The following DAAM2 variants were observed in gnomAD, a reference collection of about 807,000 sequenced individuals.
DAAM2 encodes disheveled-associated activator of morphogenesis 2.
A neutral mutation model predicts 120.7 loss-of-function variants in DAAM2; 39 were observed. The observed-to-expected ratio is 0.32, with a 90% CI of 0.25 to 0.42. The LOEUF is 0.42. Among genes scored for constraint, DAAM2 ranks in the 10% least tolerant of loss-of-function variants. The probability of loss-of-function intolerance (pLI) is 1.00; values close to 1 mark genes in which losing one functional copy is unlikely to be tolerated. For synonymous variants in DAAM2, 488 were observed against 524.9 expected (o/e 0.93, Z 0.96); for missense variants, 1,283 against 1,401.7 (o/e 0.92, Z 1.35).
In DAAM2 at chr6:39,901,324, T is replaced by G; in HGVS notation, c.2834T>G (p.Phe945Cys). Residue 945 changes from phenylalanine to cysteine, a missense_variant, in exon 24 of 25, where the codon TTC (phenylalanine) becomes TGC (cysteine). Around this residue, in one of 3 missense-constraint regions of DAAM2, gnomAD observed 748 missense variants for 768.6 expected, o/e 0.97. Coordinates refer to ENST00000274867, the MANE Select transcript of DAAM2 (RefSeq NM_001201427.2). The surrounding 1 kb of genome is among the most constrained non-coding windows in gnomAD (Gnocchi z 4.5). ...RDKFAKALMH[F>C]GEHDSKMQPD... ...CAGTTCGCCAAGGCCTTGATGCACT[T>G]CGGGGAGCATGACAGCAAGATGCAG... 6.2e-7 allele frequency: 1 copy of G among 1,613,888 alleles called. No individual in the cohort carries two copies. The highest frequency in any genetic ancestry group is 8.5e-7 in the Non-Finnish European group (1 of 1,179,836).
Position 39,902,007 on chromosome 6 carries a change from G to T in DAAM2, c.3177G>T (p.Arg1059=), listed in dbSNP as rs115009770. ...GGAGCCAGGCCCTGGAAGTTACCCG[G>T]GAGCGGGCAATAAACCGGCTAAATT... The part of the protein sequence containing the change: ...RSGSQALEVT[R]ERAINRLNY Residue 1059 remains arginine (R), a synonymous_variant, in exon 25 of 25, where the codon CGG becomes CGT. Transcript: ENST00000274867. 4,021 of 1,610,620 alleles carry T rather than the reference G, an allele frequency of 2.5e-3. 67 individuals are homozygous for T. The African/African-American group carries it at 0.038, about 15-fold the overall frequency.
chr6:39,810,880 G>A (rs138613045), intron 1 of DAAM2, among the ~76,000 whole-genome samples: 26 of 152,216 alleles, frequency 1.7e-4, no homozygotes, highest in African/African-American at 5.8e-4. Context: ...AATCTAAAAT[G>A]TCCTGGGTAA....
At chr6:39,867,172 T>C (rs1764465642) in intron 5 of DAAM2, 2 of 265,420 alleles carry the variant, frequency 7.5e-6, no homozygotes, top group Middle Eastern at 1.3e-3. Context: ...GTTATCCGAC[T>C]GTAATTCTCT....
chr6:39,868,318 C>A, intron 6 of DAAM2: 1 of 226,196 alleles, frequency 4.4e-6, no homozygotes, highest in South Asian at 8.2e-5. Flanking sequence ...CTGACCTGCC[C>A]AGAGAAGTAT....
chr6:39,831,213 A>G (rs1424500995), intron 1 of DAAM2, among the ~76,000 whole-genome samples: 1 of 152,160 alleles, frequency 6.6e-6, no homozygotes, highest in Non-Finnish European at 1.5e-5. Context: ...TTCTTGTGGG[A>G]GGGATAATGA....
At position 39,902,295 on chromosome 6, in the gene DAAM2, G is replaced by T; in HGVS notation, c.*258G>T. The T allele has an allele frequency of 2.7e-6, 1 of 374,776 alleles. No homozygotes were observed. Among genetic ancestry groups the T allele is most frequent in the Non-Finnish European group, 4.8e-6 (1 of 209,854 alleles). 23.2% of individuals were successfully genotyped at this position (374,776 alleles called of 1,614,324 possible). A position where few individuals can be genotyped will look rare whatever the true frequency, so the allele number is the denominator to read the frequency against. ...TCTGAGGCTGCCTTGGATGGCCTCA[G>T]GCCAGGTAACCCCAGGCTGAAGGGG... On this transcript the variant is annotated 3_prime_UTR_variant, in exon 25 of 25. Coordinates refer to ENST00000274867, the MANE Select transcript of DAAM2 (RefSeq NM_001201427.2).
intron 5 of DAAM2, among the ~76,000 whole-genome samples, chr6:39,865,730 TG>T (rs777964590): frequency 5.6e-4 from 86 of 152,378 alleles, no homozygotes; most frequent in South Asian, 1.0e-3. Context: ...GTAAGCTGGT[TG>T]TTAAACGTAG....
At chr6:39,893,958 C>A (rs549755897) in intron 19 of DAAM2, among the ~76,000 whole-genome samples, 5 of 152,160 alleles carry the variant, frequency 3.3e-5, no homozygotes, top group Non-Finnish European at 7.4e-5. Flanking sequence ...TTGCCAAAAG[C>A]TAGTTCACCA....
chr6:39,882,793 T>A (rs1169001041), intron 14 of DAAM2, among the ~76,000 whole-genome samples: 1 of 151,946 alleles, frequency 6.6e-6, no homozygotes, highest in Non-Finnish European at 1.5e-5. Context: ...TGTGTTGGGG[T>A]TGGCCAGCTG....
intron 1 of DAAM2, among the ~76,000 whole-genome samples, chr6:39,830,041 C>G (rs996899451): frequency 2.6e-5 from 4 of 152,098 alleles, no homozygotes; most frequent in Non-Finnish European, 5.9e-5. Context: ...TGCCCACTAC[C>G]CCGGCCTGCT....
At chr6:39,865,223 T>C in intron 5 of DAAM2, 149 bp downstream of exon 5, 1 of 621,380 alleles carries the variant, frequency 1.6e-6, no homozygotes, top group Non-Finnish European at 3.0e-6. Flanking sequence ...CCCCTACTCC[T>C]CTCCTGGGAG....
In DAAM2 at chr6:39,871,498, C is replaced by G. The variant is rs950448872; in HGVS notation, c.978-8C>G. 1.9e-6 allele frequency: 3 copies of G among 1,550,546 alleles called. No individual in the cohort carries two copies. The highest frequency in any genetic ancestry group is 2.7e-5 in the African/African-American group (2 of 73,024). On this transcript the variant is annotated splice_region_variant and splice_polypyrimidine_tract_variant and intron_variant, in intron 8 of 24. Coordinates refer to ENST00000274867, the MANE Select transcript of DAAM2 (RefSeq NM_001201427.2). ...TGTCTACTCTCTCTGTCTCCCCATT[C>G]TGTCTAGACATTTAGACTTCTTCGA... is the stretch of plus-strand genomic sequence containing the variant.
rs1766629600 is a variant in DAAM2, at chr6:39,903,874, A to G, written c.*1837A>G. On this transcript the variant is annotated 3_prime_UTR_variant, in exon 25 of 25. Transcript: ENST00000274867. ...AAGCCTGGCTGACACAGGTGTGAAGAGGCCATCCTGGAACCCAGGTGAGGG... is the reference window on the plus strand; with the variant it reads ...AAGCCTGGCTGACACAGGTGTGAAGGGGCCATCCTGGAACCCAGGTGAGGG... The G allele has an allele frequency of 3.3e-6, 1 of 298,702 alleles. No individual in the cohort carries two copies. The highest frequency in any genetic ancestry group is 6.5e-6 in the Non-Finnish European group (1 of 154,976). The allele number at this position is 298,702 out of a possible 1,614,324, so 18.5% of individuals were successfully genotyped here.
chr6:39,824,602 C>T (rs1346343540), intron 1 of DAAM2, among the ~76,000 whole-genome samples: 2 of 152,158 alleles, frequency 1.3e-5, no homozygotes, highest in African/African-American at 2.4e-5. Flanking sequence ...ACATCCTTGA[C>T]AGAGGTGGTT....
intron 1 of DAAM2, among the ~76,000 whole-genome samples, chr6:39,807,302 G>T (rs1762037617): frequency 6.6e-6 from 1 of 151,990 alleles, no homozygotes; most frequent in African/African-American, 2.4e-5. Context: ...GGATGCCATT[G>T]CTAGTAAGTT....
At chr6:39,852,521 G>T (rs989920617) in intron 1 of DAAM2, among the ~76,000 whole-genome samples, 2 of 152,186 alleles carry the variant, frequency 1.3e-5, no homozygotes, top group African/African-American at 2.4e-5. Flanking sequence ...CTGGAGAAGC[G>T]CTGAGGCTTG....
At position 39,836,825 on chromosome 6, in the gene DAAM2, C is replaced by T. The variant is rs1461070276; in HGVS notation, c.-56-19422C>T. ...TCCTTACTATTCTATTTACTAGCTC[C>T]GGATAGAGGGCAAGATACTCAAGTT... On this transcript the variant is annotated intron_variant, in intron 1 of 24. Transcript: ENST00000274867. Among the ~76,000 whole-genome samples the T allele has an allele frequency of 4.6e-5, 7 of 152,278 alleles. No individual in the cohort carries two copies. In the South Asian group the frequency reaches 6.2e-4, roughly 14 times the overall value.
chr6:39,813,655 G>A (rs1027634418), intron 1 of DAAM2, among the ~76,000 whole-genome samples: 7 of 152,116 alleles, frequency 4.6e-5, no homozygotes, highest in African/African-American at 1.7e-4. Context: ...ATTAGTTCAT[G>A]AGCCCATCAC....
chr6:39,901,834 G>T lies in DAAM2; in HGVS notation c.3004G>T (p.Glu1002Ter). 1 of 1,559,836 alleles carries T rather than the reference G, an allele frequency of 6.4e-7. No homozygotes were observed. Among genetic ancestry groups the T allele is most frequent in the Non-Finnish European group, 8.7e-7 (1 of 1,149,750 alleles). Residue 1002 changes from glutamate (E) to a stop codon, truncating the protein, a stop_gained, in exon 25 of 25, where the codon GAG (glutamate) becomes TAG (stop). Transcript: ENST00000274867. LOFTEE classifies it high-confidence loss of function. This position sits in a 1 kb window ranked among gnomAD's most constrained non-coding sequence, Gnocchi z 4.5. ...GCAGCTGAAGGAGCAGAGGGAACGTGAGCGGTGGCAGCGGCAGCGGAAGGT... is the reference window on the plus strand; with the variant it reads ...GCAGCTGAAGGAGCAGAGGGAACGTTAGCGGTGGCAGCGGCAGCGGAAGGT... Reference protein sequence around the residue: ...EAMLKEQRERERWQRQRKVLA... With the variant: ...EAMLKEQRER
Sources: allele counts gnomAD v4.1 joint callset (sites outside exome capture counted in the v4.1 genomes callset), GRCh38; gene constraint gnomAD v4.1.1; regional missense constraint gnomAD v4.1.1; non-coding constraint Gnocchi (gnomAD v3.1); transcripts MANE v1.5; gene names NCBI Gene and HGNC (gene_info 2026-07-23, HGNC 2026-07-21).